Variants in CNTN3 observed in about 807,000 individuals in gnomAD.
The protein encoded by CNTN3 is contactin 3.
In CNTN3, 60 loss-of-function variants were observed where a neutral mutation model predicts 119.1. That is an observed-to-expected ratio of 0.50 (90% confidence interval 0.41 to 0.62). CNTN3 has a LOEUF of 0.62. Among genes scored for constraint, CNTN3 ranks in the 20% least tolerant of loss-of-function variants. CNTN3 has a pLI of 0.00. For synonymous variants in CNTN3, 450 were observed against 438.7 expected, an observed-to-expected ratio of 1.03 and a Z score of -0.32; for missense variants, 1,101 against 1,242.4, an observed-to-expected ratio of 0.89 and a Z score of 1.71.
chr3:74,295,320 G>A, intron 18 of CNTN3, 84 bp from the exon 19 acceptor site: 1 of 704,070 alleles, frequency 1.4e-6, no homozygotes, highest in Non-Finnish European at 2.4e-6. Flanking sequence ...TTTTATAAAA[G>A]CATTTTAACG....
intron 2 of CNTN3, among the ~76,000 whole-genome samples, chr3:74,513,293 A>G (rs1026198820): frequency 6.6e-6 from 1 of 152,152 alleles, no homozygotes; most frequent in African/African-American, 2.4e-5. Context: ...GACACCAATC[A>G]ATGTCACAAT....
intron 4 of CNTN3, among the ~76,000 whole-genome samples, chr3:74,477,797 T>C (rs1265895825): frequency 6.6e-6 from 1 of 151,946 alleles, no homozygotes; most frequent in Non-Finnish European, 1.5e-5. Flanking sequence ...AAATGTCTCA[T>C]ATACCCCATG....
At chr3:74,397,177 T>G (rs187201329) in intron 5 of CNTN3, among the ~76,000 whole-genome samples, 45 of 152,310 alleles carry the variant, frequency 3.0e-4, no homozygotes, top group African/African-American at 1.1e-3. Flanking sequence ...CCACTAAATC[T>G]ACTCTGTCTG....
intron 4 of CNTN3, among the ~76,000 whole-genome samples, chr3:74,472,446 T>C (rs79882403): frequency 0.013 from 1,935 of 152,284 alleles, 39 homozygotes; most frequent in African/African-American, 0.044. Flanking sequence ...CCCAATAATG[T>C]AGAGCCTGAA....
At position 74,263,643 on chromosome 3, in the gene CNTN3, T is replaced by C. The variant is rs1701617113; in HGVS notation, c.*758A>G. On this transcript the variant is annotated 3_prime_UTR_variant, in exon 23 of 23. Transcript: ENST00000263665. ...TCTTCATGACTTTTATGTGATTAAATAAATTCATGCTAATATTTTGCATGG... is the reference window on the plus strand; with the variant it reads ...TCTTCATGACTTTTATGTGATTAAACAAATTCATGCTAATATTTTGCATGG... 6.6e-6 allele frequency: 1 copy of C among 152,076 alleles called. No homozygotes were observed. The highest frequency in any genetic ancestry group is 2.4e-5 in the African/African-American group (1 of 41,430). 9.4% of individuals were successfully genotyped at this position (152,076 alleles called of 1,614,324 possible).
intron 5 of CNTN3, among the ~76,000 whole-genome samples, chr3:74,384,745 T>C (rs935409490): frequency 6.6e-6 from 1 of 152,202 alleles, no homozygotes; most frequent in Non-Finnish European, 1.5e-5. Context: ...GAAACACATC[T>C]ATTTTGGTTA....
chr3:74,576,037 A>C (rs1704410354), intron 1 of CNTN3, among the ~76,000 whole-genome samples: 1 of 151,922 alleles, frequency 6.6e-6, no homozygotes, highest in African/African-American at 2.4e-5. Context: ...CCTCCTGTGG[A>C]GTGTTGGGCC....
At position 74,369,262 on chromosome 3, in the gene CNTN3, A is replaced by C. The variant is rs370322691; in HGVS notation, c.873T>G (p.Asp291Glu). The change falls in exon 8 of 23, where the codon GAT becomes GAG. Residue 291 changes from aspartate to glutamate, a missense_variant. Physicochemically the swap from Asp to Glu is conservative, Grantham distance 45 (BLOSUM62 2). Coordinates refer to ENST00000263665, the MANE Select transcript of CNTN3 (RefSeq NM_020872.3). ...VLEIPNFQQEDAGSYECIAEN... is the reference protein window; with the variant it reads ...VLEIPNFQQEEAGSYECIAEN... The stretch of plus-strand genomic sequence containing the variant: ...CAGCAATGCATTCATAGGAACCTGC[A>C]TCTTCCTGTTGGAAGTTGGGGATTT... 6.2e-7 allele frequency: 1 copy of C among 1,611,666 alleles called. No individual in the cohort carries two copies. Among genetic ancestry groups the C allele is most frequent in the South Asian group, 1.1e-5 (1 of 90,786 alleles).
intron 5 of CNTN3, among the ~76,000 whole-genome samples, chr3:74,375,334 ATGT>A (rs1176118241): frequency 6.6e-6 from 1 of 152,150 alleles, no homozygotes; most frequent in Non-Finnish European, 1.5e-5. Flanking sequence ...CTAGACACAA[ATGT>A]TCAGTGAGTG....
At chr3:74,368,463 G>A (rs751279302) in intron 8 of CNTN3, among the ~76,000 whole-genome samples, 9 of 151,682 alleles carry the variant, frequency 5.9e-5, no homozygotes, top group East Asian at 1.9e-4. Context: ...GAATATATAC[G>A]TCTCCATATA....
intron 1 of CNTN3, among the ~76,000 whole-genome samples, chr3:74,592,718 A>G (rs1474475739): frequency 6.6e-6 from 1 of 152,040 alleles, no homozygotes; most frequent in African/African-American, 2.4e-5. Flanking sequence ...CACATCTAAC[A>G]AAGAAGTTAA....
chr3:74,419,808 C>T (rs1363090215), intron 5 of CNTN3, among the ~76,000 whole-genome samples: 3 of 152,106 alleles, frequency 2.0e-5, no homozygotes, highest in Admixed American at 6.6e-5. Context: ...CCTATGAATT[C>T]CTGAGTAATT....
intron 4 of CNTN3, among the ~76,000 whole-genome samples, chr3:74,482,922 C>T (rs1482769106): frequency 6.6e-6 from 1 of 152,088 alleles, no homozygotes; most frequent in African/African-American, 2.4e-5. Context: ...TTTGGAATTA[C>T]TCATATAGTA....
At chr3:74,321,119 CT>C (rs1275802076) in intron 13 of CNTN3, among the ~76,000 whole-genome samples, 2 of 151,906 alleles carry the variant, frequency 1.3e-5, no homozygotes, top group African/African-American at 4.8e-5. Context: ...ACAATAAACA[CT>C]GGAGAATACA....
At position 74,484,289 on chromosome 3, in the gene CNTN3, G is replaced by A. The variant is rs531743462; in HGVS notation, c.358+2167C>T. Reference sequence around the variant, plus strand: ...AAAAATAGAAACACCAAATGGAAGCGGTGGAGGAAACCCTGCCTCTAAGAT... The same window carrying A: ...AAAAATAGAAACACCAAATGGAAGCAGTGGAGGAAACCCTGCCTCTAAGAT... On this transcript the variant is annotated intron_variant, in intron 4 of 22. Transcript: ENST00000263665. Among the ~76,000 whole-genome samples, 38 of 152,182 alleles carry A rather than the reference G, an allele frequency of 2.5e-4. No individual in the cohort carries two copies. In the South Asian group the frequency reaches 4.8e-3, roughly 19 times the overall value.
chr3:74,559,157 G>T (rs1025754871), intron 1 of CNTN3, among the ~76,000 whole-genome samples: 11 of 152,028 alleles, frequency 7.2e-5, no homozygotes, highest in African/African-American at 2.7e-4. Context: ...CTAAACCCCA[G>T]TTCTGACACT....
chr3:74,493,256 T>C (rs1413644451), intron 3 of CNTN3, among the ~76,000 whole-genome samples: 4 of 152,158 alleles, frequency 2.6e-5, no homozygotes, highest in Admixed American at 6.6e-5. Flanking sequence ...CTAAATTGTG[T>C]CTTCCATTTG....
chr3:74,279,582 C>T (rs911400183), intron 20 of CNTN3, among the ~76,000 whole-genome samples: 2 of 150,920 alleles, frequency 1.3e-5, no homozygotes, highest in African/African-American at 2.4e-5. Flanking sequence ...TATGTGGGAG[C>T]TAGCTATGAG....
intron 2 of CNTN3, among the ~76,000 whole-genome samples, chr3:74,501,886 G>A (rs895560447): frequency 6.6e-6 from 1 of 151,814 alleles, no homozygotes; most frequent in South Asian, 2.1e-4. Flanking sequence ...ATTTAAAAGA[G>A]GCAATATTGC....
Sources: allele counts gnomAD v4.1 joint callset (sites outside exome capture counted in the v4.1 genomes callset), GRCh38; gene constraint gnomAD v4.1.1; transcripts MANE v1.5; gene names NCBI Gene and HGNC (gene_info 2026-07-23, HGNC 2026-07-21).